Variants in SEMA5B observed in about 807,000 individuals in gnomAD.
SEMA5B encodes semaphorin-5B.
SEMA5B carries 66 observed loss-of-function variants against 135.0 expected under a neutral mutation model. That is an observed-to-expected ratio of 0.49 (90% confidence interval 0.40 to 0.60). The LOEUF is 0.60. Ranked by LOEUF, SEMA5B falls within the 20% of genes least tolerant of loss-of-function variation. The probability of loss-of-function intolerance (pLI) is 0.00; values close to 1 mark genes in which losing one functional copy is unlikely to be tolerated. For missense variants in SEMA5B, 1,501 were observed against 1,566.3 expected (o/e 0.96, Z 0.70); for synonymous variants, 690 against 639.5 (o/e 1.08, Z -1.19).
At chr3:123,010,271 G>C (rs930294593) in intron 1 of SEMA5B, among the ~76,000 whole-genome samples, 1 of 152,118 alleles carries the variant, frequency 6.6e-6, no homozygotes, top group Non-Finnish European at 1.5e-5. Context: ...GGAAGACAAG[G>C]GTTTAAAATT....
upstream of SEMA5B, among the ~76,000 whole-genome samples, chr3:123,027,974 C>T (rs1942846413): frequency 6.6e-6 from 1 of 152,190 alleles, no homozygotes; most frequent in African/African-American, 2.4e-5. Context: ...CCGCCCCGGG[C>T]CTGCCGAGTG....
In SEMA5B at chr3:122,961,079, C is replaced by T. The variant is rs1366762720; in HGVS notation, c.124+61G>A. ...ATGCCCCAGATGAGGGGGTCTTCTC[C>T]CTGCTCTCCCCTCAGTCTGGTACCT... On this transcript the variant is annotated intron_variant, in intron 2 of 22. Coordinates refer to ENST00000357599, the MANE Select transcript of SEMA5B (RefSeq NM_001031702.4). The T allele has an allele frequency of 4.7e-6, 7 of 1,500,882 alleles. No individual in the cohort carries two copies. In the East Asian group the frequency reaches 6.9e-5, roughly 15 times the overall value. The allele number at this position is 1,500,882 out of a possible 1,614,324, so 93.0% of individuals were successfully genotyped here.
At chr3:122,913,772 G>A (rs1937910569) in intron 15 of SEMA5B, 86 bp downstream of exon 15, 3 of 1,572,836 alleles carry the variant, frequency 1.9e-6, no homozygotes, top group African/African-American at 2.7e-5. Context: ...AAGGACGAGA[G>A]TCCCCGGGAT....
At chr3:122,942,023 G>A (rs1032955727) in intron 4 of SEMA5B, among the ~76,000 whole-genome samples, 2 of 152,174 alleles carry the variant, frequency 1.3e-5, no homozygotes, top group Non-Finnish European at 2.9e-5. Flanking sequence ...TCACCACTAG[G>A]TGAACCTTCA....
At chr3:122,974,821 C>A (rs1941258545) in intron 1 of SEMA5B, among the ~76,000 whole-genome samples, 1 of 152,146 alleles carries the variant, frequency 6.6e-6, no homozygotes, top group African/African-American at 2.4e-5. Context: ...GTGCCAAGCC[C>A]CTTAAGTTCC....
chr3:123,015,158 T>C (rs1942528420), intron 1 of SEMA5B, among the ~76,000 whole-genome samples: 1 of 152,240 alleles, frequency 6.6e-6, no homozygotes, highest in Admixed American at 6.5e-5. Context: ...CACACCTTGA[T>C]CTCAGACTTC....
At chr3:122,979,532 CTT>C (rs1217054981) in intron 1 of SEMA5B, among the ~76,000 whole-genome samples, 1 of 152,256 alleles carries the variant, frequency 6.6e-6, no homozygotes, top group African/African-American at 2.4e-5. Flanking sequence ...CCCCTTCTCT[CTT>C]GTTGTGATTT....
chr3:122,928,404 GT>G, intron 7 of SEMA5B, 112 bp downstream of exon 7: 1 of 675,688 alleles, frequency 1.5e-6, no homozygotes, highest in Non-Finnish European at 2.5e-6. Context: ...TTTTGTTTCT[GT>G]TTTGGGTGTC....
intron 1 of SEMA5B, among the ~76,000 whole-genome samples, chr3:122,981,681 G>A (rs1368306556): frequency 6.6e-6 from 1 of 152,216 alleles, no homozygotes; most frequent in Non-Finnish European, 1.5e-5. Context: ...ACCAAGCCAT[G>A]AGAGAGGCAC....
chr3:122,966,543 TTA>T (rs1335154259), intron 1 of SEMA5B, among the ~76,000 whole-genome samples: 4 of 92,632 alleles, frequency 4.3e-5, no homozygotes, highest in Non-Finnish European at 6.8e-5. Context: ...ATGTTTATTA[TTA>T]TTATTATTAT....
Position 122,922,063 on chromosome 3 carries a change from G to T in SEMA5B, c.1540C>A (p.Leu514Met). Residue 514 changes from leucine to methionine, a missense_variant, in exon 12 of 23, where the codon CTG (leucine) becomes ATG (methionine). By Grantham distance (15) the Leu-to-Met change is conservative (BLOSUM62 2). Coordinates refer to ENST00000357599, the MANE Select transcript of SEMA5B (RefSeq NM_001031702.4). Reference protein sequence around the residue: ...TASRSLHGCYLEELHVLPPGR... With the variant: ...TASRSLHGCYMEELHVLPPGR... ...GGGGGCAGCACGTGCAGCTCCTCCAGGTAGCAGCCGTGGAGGCTGCGGCTC... is the reference window on the plus strand; with the variant it reads ...GGGGGCAGCACGTGCAGCTCCTCCATGTAGCAGCCGTGGAGGCTGCGGCTC... 1 of 1,495,934 alleles carries T rather than the reference G, an allele frequency of 6.7e-7. No individual in the cohort carries two copies. Among genetic ancestry groups the T allele is most frequent in the South Asian group, 1.4e-5 (1 of 73,990 alleles). The allele number at this position is 1,495,934 out of a possible 1,614,324, so 92.7% of individuals were successfully genotyped here.
At chr3:123,026,086 A>G (rs145008932) in intron 1 of SEMA5B, among the ~76,000 whole-genome samples, 1,641 of 152,260 alleles carry the variant, frequency 0.011, 26 homozygotes, top group African/African-American at 0.035. Context: ...GGCTGTGGAG[A>G]GAGGCCCCGA....
chr3:122,967,101 T>C (rs1244882350), intron 1 of SEMA5B, among the ~76,000 whole-genome samples: 1 of 149,606 alleles, frequency 6.7e-6, no homozygotes, highest in Non-Finnish European at 1.5e-5. Context: ...GTCAGGCTGA[T>C]CTTGAACCCC....
chr3:122,913,020 GC>G lies in SEMA5B; in HGVS notation c.2547del (p.His850ThrfsTer3). On this transcript the variant is annotated frameshift_variant, in exon 18 of 23. Coordinates refer to ENST00000357599, the MANE Select transcript of SEMA5B (RefSeq NM_001031702.4). LOFTEE classifies it high-confidence loss of function. ...EVLLRSGSTS[P>X]HTVSGGWAAW... ...GCGGCCCAGCCCCCGCTCACCGTGTGCGGGGAGGTGCTCCCGCTGCGCAGGA... is the reference window on the plus strand; with the variant it reads ...GCGGCCCAGCCCCCGCTCACCGTGTGGGGGAGGTGCTCCCGCTGCGCAGGA... The G allele has an allele frequency of 6.3e-7, 1 of 1,590,354 alleles. No individual in the cohort carries two copies. The highest frequency in any genetic ancestry group is 8.6e-7 in the Non-Finnish European group (1 of 1,168,800).
chr3:122,986,627 T>TGTGTGTG (rs1305824238), intron 1 of SEMA5B, among the ~76,000 whole-genome samples: 2 of 107,214 alleles, frequency 1.9e-5, no homozygotes, highest in African/African-American at 6.6e-5. Flanking sequence ...GTGTGTGTGG[T>TGTGTGTG]GTGTAAGTGT....
intron 1 of SEMA5B, among the ~76,000 whole-genome samples, chr3:122,965,290 C>T (rs1372584417): frequency 6.6e-6 from 1 of 152,174 alleles, no homozygotes; most frequent in African/African-American, 2.4e-5. Flanking sequence ...TCCCACATTG[C>T]ACAGAGTGGC....
chr3:122,912,245 T>C lies in SEMA5B; in HGVS notation c.2823A>G (p.Ala941=). The C allele has an allele frequency of 6.2e-7, 1 of 1,611,416 alleles. No individual in the cohort carries two copies. Among genetic ancestry groups the C allele is most frequent in the Non-Finnish European group, 8.5e-7 (1 of 1,178,880 alleles). The change falls in exon 19 of 23, where the codon GCA becomes GCG. Residue 941 remains alanine, a synonymous_variant. Transcript: ENST00000357599. ...GACAGATGTCCTCACCTGGGGAGGG[T>C]GCGGGGCTGGTGCAGGAACGGGTGC... ...YQRTRSCTSP[A]PSPGEDICLG... is the part of the protein sequence containing the mutation.
intron 4 of SEMA5B, among the ~76,000 whole-genome samples, chr3:122,940,807 C>T (rs1489255385): frequency 6.6e-6 from 1 of 152,220 alleles, no homozygotes; most frequent in Non-Finnish European, 1.5e-5. Context: ...CTCCAACCCC[C>T]TCCCCAAGTC....
chr3:122,971,398 G>C (rs1412872849), intron 1 of SEMA5B, among the ~76,000 whole-genome samples: 1 of 152,238 alleles, frequency 6.6e-6, no homozygotes, highest in East Asian at 1.9e-4. Context: ...TTTGCTCTTA[G>C]CCAAAGGCAC....
Sources: allele counts gnomAD v4.1 joint callset (sites outside exome capture counted in the v4.1 genomes callset), GRCh38; gene constraint gnomAD v4.1.1; transcripts MANE v1.5; gene names NCBI Gene and HGNC (gene_info 2026-07-23, HGNC 2026-07-21).